Variants in FBXL13 observed in about 807,000 individuals in gnomAD.
The protein encoded by FBXL13 is F-box and leucine-rich repeat protein 13.
A neutral mutation model predicts 83.6 loss-of-function variants in FBXL13; 67 were observed. That is an observed-to-expected ratio of 0.80 (90% CI 0.66 to 0.98). The LOEUF (loss-of-function observed/expected upper bound fraction) is 0.98, where lower values mean the gene tolerates loss of function less well. FBXL13 is among the 50% of genes least tolerant of loss of function. FBXL13 has a pLI of 0.00. For synonymous variants in FBXL13, 272 were observed against 299.5 expected, an observed-to-expected ratio of 0.91 and a Z score of 0.95; for missense variants, 822 against 866.5, an observed-to-expected ratio of 0.95 and a Z score of 0.64.
intron 6 of FBXL13, among the ~76,000 whole-genome samples, chr7:102,987,454 G>GA (rs925470549): frequency 2.4e-4 from 36 of 147,494 alleles, no homozygotes; most frequent in East Asian, 3.9e-4. Context: ...TAGCAAAACA[G>GA]AAAAAAAAAA....
Position 103,049,067 on chromosome 7 carries a change from A to C in FBXL13, c.-1+6577T>G, listed in dbSNP as rs182737626. On this transcript the variant is annotated intron_variant, in intron 2 of 19. Transcript: ENST00000313221. ...ATCTACAACATGCTTGGTCTTTCTG[A>C]CTTGTCCTAAACATCCCTCTTTTTA... Among the ~76,000 whole-genome samples the C allele has an allele frequency of 4.4e-3, 674 of 152,304 alleles. 5 individuals carry two copies. Among genetic ancestry groups the C allele is most frequent in the African/African-American group, 0.016 (646 of 41,558 alleles).
At chr7:102,850,489 T>C (rs1231892653) in intron 17 of FBXL13, among the ~76,000 whole-genome samples, 1 of 152,236 alleles carries the variant, frequency 6.6e-6, no homozygotes, top group Admixed American at 6.5e-5. Flanking sequence ...AAAATGTTAA[T>C]ATTTTAAACT....
At chr7:103,006,126 C>T (rs529695327) in intron 6 of FBXL13, among the ~76,000 whole-genome samples, 57 of 152,240 alleles carry the variant, frequency 3.7e-4, no homozygotes, top group African/African-American at 1.3e-3. Context: ...TACTTGGGGG[C>T]GTATATTAGC....
At chr7:103,069,328 G>A (rs532169746) in intron 1 of FBXL13, among the ~76,000 whole-genome samples, 2 of 152,226 alleles carry the variant, frequency 1.3e-5, no homozygotes, top group Non-Finnish European at 2.9e-5. Context: ...TGCAACCCTC[G>A]AAGTGTGAAG....
At chr7:103,004,896 C>T (rs888026884) in intron 6 of FBXL13, among the ~76,000 whole-genome samples, 4 of 152,208 alleles carry the variant, frequency 2.6e-5, no homozygotes, top group South Asian at 4.2e-4. Flanking sequence ...AGTTTGGAGA[C>T]GTTACTCCTT....
intron 2 of FBXL13, 136 bp from the exon 3 acceptor site, chr7:103,055,314 G>T: frequency 2.2e-6 from 1 of 445,814 alleles, no homozygotes; most frequent in Non-Finnish European, 3.7e-6. Context: ...AAGCAGATCA[G>T]AATCACCTGG....
At chr7:102,968,356 C>T (rs957525860) in intron 6 of FBXL13, among the ~76,000 whole-genome samples, 1 of 152,116 alleles carries the variant, frequency 6.6e-6, no homozygotes. Flanking sequence ...TAATGTAATC[C>T]TTTTAATTGA....
chr7:102,831,356 A>G lies in FBXL13; in HGVS notation c.1854+1484T>C, dbSNP rs1054228706. Among the ~76,000 whole-genome samples, 6 of 151,680 alleles carry G rather than the reference A, an allele frequency of 4.0e-5. 1 individual carries two copies. The highest frequency in any genetic ancestry group is 2.0e-4 in the Admixed American group (3 of 15,196). ...TATGTGCTACTGACATATAGTGAGT[A>G]GAGGGCAGGCATGCTGTTAAACATC... On this transcript the variant is annotated intron_variant, in intron 18 of 19. Transcript: ENST00000313221.
chr7:103,012,882 C>G (rs979174554), intron 6 of FBXL13, among the ~76,000 whole-genome samples: 7 of 152,206 alleles, frequency 4.6e-5, no homozygotes, highest in Non-Finnish European at 1.0e-4. Context: ...CAATGGTATA[C>G]TGTCTTAAAG....
At chr7:102,903,207 C>G (rs115840434) in intron 11 of FBXL13, among the ~76,000 whole-genome samples, 275 of 151,954 alleles carry the variant, frequency 1.8e-3, no homozygotes, top group African/African-American at 6.4e-3. Context: ...ATTTTTATTT[C>G]TTTTTCATAT....
chr7:103,025,419 A>C (rs1793792552), intron 5 of FBXL13, among the ~76,000 whole-genome samples, 189 bp from the exon 7 acceptor site: 1 of 152,216 alleles, frequency 6.6e-6, no homozygotes, highest in South Asian at 2.1e-4. Flanking sequence ...GAAGTATTAC[A>C]GATCATTTCC....
chr7:102,864,724 T>C (rs774715484), intron 16 of FBXL13, among the ~76,000 whole-genome samples: 2 of 147,688 alleles, frequency 1.4e-5, no homozygotes, highest in Non-Finnish European at 3.0e-5. Flanking sequence ...TCCATCTCCT[T>C]TTCAGCAAAC....
intron 4 of FBXL13, among the ~76,000 whole-genome samples, chr7:103,028,312 GCTCT>G (rs1794156445): frequency 6.6e-6 from 1 of 152,112 alleles, no homozygotes; most frequent in Admixed American, 6.5e-5. Context: ...AACCCATCCA[GCTCT>G]CTATTATGTA....
chr7:102,981,391 C>G (rs1354756089), intron 6 of FBXL13, among the ~76,000 whole-genome samples: 1 of 132,932 alleles, frequency 7.5e-6, no homozygotes, highest in Non-Finnish European at 1.6e-5. Context: ...CTCCCATTGC[C>G]TGCACACCTT....
chr7:103,042,592 A>G (rs1795840612), intron 2 of FBXL13, among the ~76,000 whole-genome samples: 1 of 152,224 alleles, frequency 6.6e-6, no homozygotes, highest in South Asian at 2.1e-4. Flanking sequence ...ACAGTAACCA[A>G]AACAGCATGG....
At chr7:102,817,095 A>G (rs1227426832) in intron 19 of FBXL13, among the ~76,000 whole-genome samples, 1 of 152,196 alleles carries the variant, frequency 6.6e-6, no homozygotes, top group African/African-American at 2.4e-5. Flanking sequence ...TTTTGATAGA[A>G]TTATTTCTTT....
At chr7:102,875,961 T>TAATC (rs1809187701) in intron 16 of FBXL13, among the ~76,000 whole-genome samples, 1 of 152,136 alleles carries the variant, frequency 6.6e-6, no homozygotes, top group Non-Finnish European at 1.5e-5. Flanking sequence ...ACTGGCCCTG[T>TAATC]AATCACTCAG....
chr7:102,861,491 G>A (rs1168265723), intron 16 of FBXL13, among the ~76,000 whole-genome samples: 1 of 152,092 alleles, frequency 6.6e-6, no homozygotes, highest in Admixed American at 6.6e-5. Context: ...TCCACAACTG[G>A]TGATGCTGTT....
At chr7:103,029,416 C>A in exon 3 of FBXL13, 2 of 1,477,102 alleles carry the variant, frequency 1.4e-6, no homozygotes, top group African/African-American at 1.5e-5. Flanking sequence ...ATTCCGGAGT[C>A]ATCTAAAGTA....
Sources: allele counts gnomAD v4.1 joint callset (sites outside exome capture counted in the v4.1 genomes callset), GRCh38; gene constraint gnomAD v4.1.1; transcripts MANE v1.5; gene names NCBI Gene and HGNC (gene_info 2026-07-23, HGNC 2026-07-21).